Variants in B3GAT3 observed in about 807,000 individuals in gnomAD.
B3GAT3 encodes the protein galactosylgalactosylxylosylprotein 3-beta-glucuronosyltransferase 3.
A neutral mutation model predicts 33.1 loss-of-function variants in B3GAT3; 19 were observed. The observed-to-expected ratio is 0.57, with a 90% CI of 0.40 to 0.84. The LOEUF (loss-of-function observed/expected upper bound fraction) is 0.84. B3GAT3 is among the 40% of genes least tolerant of loss of function. The pLI is 0.00. For synonymous variants in B3GAT3, 167 were observed against 193.5 expected, an observed-to-expected ratio of 0.86 and a Z score of 1.14; for missense variants, 344 against 441.5, an observed-to-expected ratio of 0.78 and a Z score of 1.98.
intron 1 of B3GAT3, 43 bp downstream of exon 1, chr11:62,621,823 G>T (rs1167109266): frequency 1.3e-6 from 2 of 1,509,282 alleles, no homozygotes; most frequent in Admixed American, 2.3e-5. Context: ...GGCGGCGGGC[G>T]CCCTCGGGCC....
Position 62,617,029 on chromosome 11 carries a change from A to G in B3GAT3, c.576T>C (p.Phe192=), listed in dbSNP as rs748294868. 10 of 1,614,196 alleles carry G rather than the reference A, an allele frequency of 6.2e-6. No homozygotes were observed. The South Asian group carries it at 9.9e-5, about 16-fold the overall frequency. ...PPPGTQGVVY[F]ADDDNTYSRE... is the part of the protein sequence containing the mutation. ...GGCTGTAGGTGTTGTCATCGTCAGCAAAGTAGACGACTCCTTGGGTCCCTG... is the reference window on the plus strand; with the variant it reads ...GGCTGTAGGTGTTGTCATCGTCAGCGAAGTAGACGACTCCTTGGGTCCCTG... The change falls in exon 3 of 5, where the codon TTT becomes TTC. Residue 192 remains phenylalanine, a synonymous_variant. Transcript: ENST00000265471.
intron 2 of B3GAT3, chr11:62,617,576 A>T (rs1943059192): frequency 1.6e-6 from 1 of 616,586 alleles, no homozygotes; most frequent in African/African-American, 1.8e-5. Flanking sequence ...GCTGTGGGAG[A>T]CTATAAATTA....
chr11:62,617,100 G>A lies in B3GAT3; in HGVS notation c.505C>T (p.Arg169Trp), dbSNP rs766019547. ...CCACCCACAGCACCCCCTCTGCCCC[G>A]GAGCCAGTCCAGGGCCTTGTTCCGC... ...EQRNKALDWL[R>W]GRGGAVGGEK... is the part of the protein sequence containing the mutation. Residue 169 changes from arginine (R) to tryptophan (W), a missense_variant, in exon 3 of 5, where the codon CGG becomes TGG. Physicochemically the swap from Arg to Trp is moderately radical, Grantham distance 101. Transcript: ENST00000265471. The A allele has an allele frequency of 1.2e-5, 20 of 1,614,020 alleles. No homozygotes were observed. The highest frequency in any genetic ancestry group is 8.9e-5 in the East Asian group (4 of 44,880).
Position 62,616,639 on chromosome 11 carries a change from G to A in B3GAT3, c.776C>T (p.Ala259Val). ...FPVDMAGFAV[A>V]LPLLLDKPNA... is the part of the protein sequence containing the mutation. ...GGGCTTATCTAACAGCAAGGGCAGG[G>A]CCACGGCAAATCCAGCCATATCCAC... The change falls in exon 4 of 5, where the codon GCC (alanine) becomes GTC (valine). Residue 259 changes from alanine to valine, a missense_variant. Physicochemically the swap from Ala to Val is moderately conservative, Grantham distance 64. Coordinates refer to ENST00000265471, the MANE Select transcript of B3GAT3 (RefSeq NM_012200.4). 1 of 1,614,220 alleles carries A rather than the reference G, an allele frequency of 6.2e-7. No homozygotes were observed. Among genetic ancestry groups the A allele is most frequent in the Non-Finnish European group, 8.5e-7 (1 of 1,180,048 alleles).
intron 2 of B3GAT3, among the ~76,000 whole-genome samples, chr11:62,618,201 A>AAC (rs1565077115): frequency 2.7e-5 from 4 of 150,606 alleles, no homozygotes; most frequent in East Asian, 1.9e-4. Flanking sequence ...AAAAAAAAAA[A>AAC]AAACAAATTA....
intron 1 of B3GAT3, chr11:62,621,237 A>G: frequency 2.2e-6 from 1 of 456,746 alleles, no homozygotes; most frequent in Non-Finnish European, 4.4e-6. Flanking sequence ...AGCAGGGAAC[A>G]AAACAGACAC....
Position 62,617,256 on chromosome 11 carries a change from G to T in B3GAT3, c.349C>A (p.Pro117Thr). ...HWLLVEDAEG[P>T]TPLVSGLLAA... ...AGCAGCCCTGAGACCAGCGGGGTGGGACCCTCAGCATCCTCCACCAGCAGC... is the reference window on the plus strand; with the variant it reads ...AGCAGCCCTGAGACCAGCGGGGTGGTACCCTCAGCATCCTCCACCAGCAGC... Residue 117 changes from proline (P) to threonine (T), a missense_variant, in exon 3 of 5, where the codon CCC (proline) becomes ACC (threonine). By Grantham distance (38) the Pro-to-Thr change is conservative (BLOSUM62 -1). Transcript: ENST00000265471. 6.2e-7 allele frequency: 1 copy of T among 1,613,112 alleles called. No individual in the cohort carries two copies. The highest frequency in any genetic ancestry group is 8.5e-7 in the Non-Finnish European group (1 of 1,179,860).
At chr11:62,616,115 G>C in intron 4 of B3GAT3, 1 of 621,168 alleles carries the variant, frequency 1.6e-6, no homozygotes, top group East Asian at 4.2e-5. Context: ...GTGGTAGCGG[G>C]TGCCTGTAGT....
rs1238059375 is a variant in B3GAT3 at position 62,615,515 on chromosome 11, G to A, written c.*186C>T. 5.4e-6 allele frequency: 6 copies of A among 1,103,976 alleles called. No homozygotes were observed. The highest frequency in any genetic ancestry group is 7.7e-6 in the Non-Finnish European group (6 of 775,924). The allele number at this position is 1,103,976 out of a possible 1,614,324, so 68.4% of individuals were successfully genotyped here. ...AGGGCTGCTTGTCCCCAGCCTGTGG[G>A]CAGTGCCACACGGCAGGCTAGGGGA... On this transcript the variant is annotated 3_prime_UTR_variant, in exon 5 of 5. Coordinates refer to ENST00000265471, the MANE Select transcript of B3GAT3 (RefSeq NM_012200.4).
intron 2 of B3GAT3, among the ~76,000 whole-genome samples, chr11:62,618,458 C>T (rs912506606): frequency 7.3e-5 from 11 of 151,156 alleles, no homozygotes; most frequent in Non-Finnish European, 1.3e-4. Context: ...GTCAGGAGAT[C>T]GAGACCATCC....
rs774581817 is a variant in B3GAT3 at position 62,616,801 on chromosome 11, C to T, written c.619-5G>A. The T allele has an allele frequency of 9.9e-6, 16 of 1,613,820 alleles. No individual in the cohort carries two copies. In the East Asian group the frequency reaches 2.5e-4, roughly 25 times the overall value. On this transcript the variant is annotated splice_region_variant and splice_polypyrimidine_tract_variant and intron_variant, in intron 3 of 4. Coordinates refer to ENST00000265471, the MANE Select transcript of B3GAT3 (RefSeq NM_012200.4). ...GACACCACGGGTCCAGCGCATCTAACGGAGGTCGGGAGAGAAGAAACAGAG... is the reference window on the plus strand; with the variant it reads ...GACACCACGGGTCCAGCGCATCTAATGGAGGTCGGGAGAGAAGAAACAGAG...
rs548704721 is a variant in B3GAT3, at chr11:62,621,735, C to A, written c.82+131G>T. 105 of 1,015,814 alleles carry A rather than the reference C, an allele frequency of 1.0e-4. No individual in the cohort carries two copies. The East Asian group carries it at 2.6e-3, about 26-fold the overall frequency. 62.9% of individuals were successfully genotyped at this position (1,015,814 alleles called of 1,614,324 possible). ...GTGCGTTCTATAGAGGGCAGTGCGC[C>A]TGAGGCCGCAGAGCTGTCCGGAGGG... On this transcript the variant is annotated intron_variant, in intron 1 of 4. Coordinates refer to ENST00000265471, the MANE Select transcript of B3GAT3 (RefSeq NM_012200.4).
At chr11:62,616,930 G>A in intron 3 of B3GAT3, 57 bp downstream of exon 3, 2 of 1,613,636 alleles carry the variant, frequency 1.2e-6, no homozygotes, top group South Asian at 1.1e-5. Flanking sequence ...GCTAACCAAG[G>A]TAACGAATGA....
intron 4 of B3GAT3, chr11:62,616,242 TGAAA>T: frequency 2.5e-5 from 12 of 472,586 alleles, no homozygotes; most frequent in South Asian, 2.4e-5. Context: ...AGACTCTGTC[TGAAA>T]AAAAAAAAAA....
In B3GAT3 at chr11:62,615,617, G is replaced by T; in HGVS notation, c.*84C>A. Reference sequence around the variant, plus strand: ...TTCTGGCTCCAAGGGTCAGGACTTGGAAAACCACATCCTGGGCAGGCCTGG... The same window carrying T: ...TTCTGGCTCCAAGGGTCAGGACTTGTAAAACCACATCCTGGGCAGGCCTGG... On this transcript the variant is annotated 3_prime_UTR_variant, in exon 5 of 5. Transcript: ENST00000265471. 2.3e-5 allele frequency: 35 copies of T among 1,553,790 alleles called. No homozygotes were observed. The highest frequency in any genetic ancestry group is 3.0e-5 in the Non-Finnish European group (35 of 1,152,392).
At chr11:62,616,031 C>T (rs1943016461) in intron 4 of B3GAT3, 1 of 1,315,572 alleles carries the variant, frequency 7.6e-7, no homozygotes, top group South Asian at 1.5e-5. Flanking sequence ...ATCACGAGGT[C>T]AGGAGATTGA....
intron 2 of B3GAT3, among the ~76,000 whole-genome samples, chr11:62,618,295 C>G (rs537073034): frequency 3.1e-4 from 47 of 151,100 alleles, no homozygotes; most frequent in African/African-American, 1.1e-3. Context: ...GGGAAAATGG[C>G]TCAATCTCCC....
At chr11:62,621,534 A>G (rs1943144441) in intron 1 of B3GAT3, among the ~76,000 whole-genome samples, 1 of 152,128 alleles carries the variant, frequency 6.6e-6, no homozygotes, top group Non-Finnish European at 1.5e-5. Flanking sequence ...AGTGCTTGAG[A>G]GAGTAATGAG....
At chr11:62,615,975 G>A (rs1258980438) in intron 4 of B3GAT3, 176 bp from the exon 5 acceptor site, 2 of 1,480,414 alleles carry the variant, frequency 1.4e-6, no homozygotes, top group Non-Finnish European at 1.8e-6. Context: ...CCGGGCGCGT[G>A]GCTCACGCCT....
Sources: gnomAD v4.1 joint callset for allele counts (sites outside exome capture counted in the v4.1 genomes callset) on GRCh38, gnomAD v4.1.1 for gene constraint, MANE v1.5 for transcripts, NCBI Gene and HGNC (gene_info 2026-07-23, HGNC 2026-07-21) for gene names.